Variants in SGSM1 observed in about 807,000 individuals in gnomAD.
SGSM1 encodes small G protein signaling modulator 1, also known as RUN and TBC1 domain containing 2.
A neutral mutation model predicts 133.8 loss-of-function variants in SGSM1; 73 were observed. The ratio of observed to expected loss-of-function variants is 0.55; its 90% CI spans 0.45 to 0.66. SGSM1 has a LOEUF of 0.66. Ranked by LOEUF, SGSM1 falls within the 30% of genes least tolerant of loss-of-function variation. The pLI is 0.00. For synonymous variants in SGSM1, 563 were observed against 573.0 expected, an observed-to-expected ratio of 0.98 and a Z score of 0.25; for missense variants, 1,213 against 1,448.1, an observed-to-expected ratio of 0.84 and a Z score of 2.64.
rs747889393 is a variant in SGSM1, at chr22:24,919,908, C to A, written c.3108C>A (p.Phe1036Leu). ...KHVSSAHYVL[F>L]IALALVEVYR... ...TCTCCTCTGCGCACTACGTCCTGTT[C>A]ATTGCGCTGGCTCTGGTGGAAGTCT... The change falls in exon 24 of 25, where the codon TTC becomes TTA. Residue 1036 changes from phenylalanine to leucine, a missense_variant. Coordinates refer to ENST00000400358, the MANE Select transcript of SGSM1 (RefSeq NM_001098497.3). 1.2e-6 allele frequency: 2 copies of A among 1,614,014 alleles called. No homozygotes were observed. The highest frequency in any genetic ancestry group is 3.3e-5 in the Admixed American group (2 of 60,026).
At chr22:24,841,559 C>A (rs1340100702) in intron 2 of SGSM1, among the ~76,000 whole-genome samples, 1 of 152,124 alleles carries the variant, frequency 6.6e-6, no homozygotes, top group African/African-American at 2.4e-5. Flanking sequence ...TTAACGAGAT[C>A]CTTCTGGCTG....
intron 2 of SGSM1, among the ~76,000 whole-genome samples, chr22:24,824,184 G>A (rs1601893397): frequency 6.6e-6 from 1 of 152,120 alleles, no homozygotes; most frequent in Non-Finnish European, 1.5e-5. Context: ...CAGGACTGGG[G>A]GATTTTTCCA....
chr22:24,921,435 G>A (rs776895408), intron 24 of SGSM1, among the ~76,000 whole-genome samples: 4 of 152,082 alleles, frequency 2.6e-5, no homozygotes, highest in Non-Finnish European at 4.4e-5. Flanking sequence ...TATCTCAAGT[G>A]ACTATTCTAT....
At chr22:24,829,097 G>A (rs974864707) in intron 2 of SGSM1, among the ~76,000 whole-genome samples, 5 of 152,108 alleles carry the variant, frequency 3.3e-5, no homozygotes, top group Non-Finnish European at 5.9e-5. Flanking sequence ...TCGGGAGGCT[G>A]AGGCAGGAGA....
chr22:24,893,997 A>C (rs1473194301), intron 17 of SGSM1, among the ~76,000 whole-genome samples: 1 of 152,254 alleles, frequency 6.6e-6, no homozygotes, highest in Admixed American at 6.5e-5. Context: ...TGCAGGTACT[A>C]TCAGGAATAT....
chr22:24,806,860 GT>G (rs1392680824), intron 2 of SGSM1, among the ~76,000 whole-genome samples: 1 of 152,070 alleles, frequency 6.6e-6, no homozygotes, highest in East Asian at 1.9e-4. Flanking sequence ...CCCCCACAGG[GT>G]GTGCTGGAGG....
chr22:24,835,005 C>A (rs546595740), intron 2 of SGSM1, among the ~76,000 whole-genome samples: 5 of 152,136 alleles, frequency 3.3e-5, no homozygotes, highest in Admixed American at 3.3e-4. Flanking sequence ...TCAAGACATA[C>A]GTTATTCTCT....
chr22:24,889,973 TTG>T (rs1370744280), intron 16 of SGSM1, among the ~76,000 whole-genome samples: 4 of 134,942 alleles, frequency 3.0e-5, no homozygotes, highest in Non-Finnish European at 4.7e-5. Context: ...TTTTTTTTTT[TTG>T]AGACGGAGTC....
At chr22:24,895,078 A>C (rs528985933) in intron 17 of SGSM1, 145 bp from the exon 18 acceptor site, 2 of 779,736 alleles carry the variant, frequency 2.6e-6, no homozygotes, top group Non-Finnish European at 4.3e-6. Flanking sequence ...TTTTACAGCT[A>C]GGAAACTGAT....
At chr22:24,901,251 G>A (rs1210618762) in intron 19 of SGSM1, 1 of 152,088 alleles carries the variant, frequency 6.6e-6, no homozygotes, top group Non-Finnish European at 1.5e-5. Flanking sequence ...ATATTAGTGG[G>A]TTTTTCTAGT....
intron 3 of SGSM1, among the ~76,000 whole-genome samples, chr22:24,846,392 A>G (rs1021995420): frequency 2.6e-5 from 4 of 151,986 alleles, no homozygotes; most frequent in Admixed American, 6.6e-5. Context: ...ACATACATAT[A>G]TGTATGTGTA....
intron 21 of SGSM1, among the ~76,000 whole-genome samples, 175 bp downstream of exon 21, chr22:24,905,362 G>A (rs1933337669): frequency 1.3e-5 from 2 of 152,122 alleles, no homozygotes; most frequent in African/African-American, 2.4e-5. Context: ...TATATTCCAT[G>A]GTGCCCCATA....
At chr22:24,846,835 T>C (rs1364896619) in intron 3 of SGSM1, among the ~76,000 whole-genome samples, 1 of 152,020 alleles carries the variant, frequency 6.6e-6, no homozygotes, top group Non-Finnish European at 1.5e-5. Context: ...TTTGTTTGTT[T>C]GTTTTTTGGG....
At chr22:24,845,926 CTTTCT>C (rs1216524285) in intron 3 of SGSM1, among the ~76,000 whole-genome samples, 8 of 147,160 alleles carry the variant, frequency 5.4e-5, no homozygotes, top group South Asian at 4.4e-4. Flanking sequence ...TGGGCAAGAT[CTTTCT>C]TTTCTTTTCT....
At position 24,916,051 on chromosome 22, in the gene SGSM1, T is replaced by A. The variant is rs139774; in HGVS notation, c.2929-1607T>A. Among the ~76,000 whole-genome samples the A allele has an allele frequency of 3.1e-3, 467 of 151,316 alleles. 3 individuals are homozygous for A. Among genetic ancestry groups the A allele is most frequent in the Non-Finnish European group, 4.8e-3 (327 of 67,798 alleles). ...TATTCGTCCACCATCTGTTTTTTTT[T>A]ATAAGAGTTTTGTTAAAATATAATT... On this transcript the variant is annotated intron_variant, in intron 22 of 24. Coordinates refer to ENST00000400358, the MANE Select transcript of SGSM1 (RefSeq NM_001098497.3).
intron 18 of SGSM1, among the ~76,000 whole-genome samples, chr22:24,896,618 T>A (rs1032156780): frequency 6.8e-6 from 1 of 146,658 alleles, no homozygotes; most frequent in Non-Finnish European, 1.5e-5. Flanking sequence ...TTTTATTTTT[T>A]GTTTTTTGGT....
chr22:24,907,631 A>G (rs1400782268), intron 21 of SGSM1, among the ~76,000 whole-genome samples: 2 of 151,994 alleles, frequency 1.3e-5, no homozygotes, highest in African/African-American at 2.4e-5. Flanking sequence ...ACAATTTTTA[A>G]AAGGATATGT....
At chr22:24,897,731 AG>A (rs1396153584) in intron 18 of SGSM1, among the ~76,000 whole-genome samples, 1 of 152,238 alleles carries the variant, frequency 6.6e-6, no homozygotes, top group African/African-American at 2.4e-5. Flanking sequence ...GGCCTCCCAA[AG>A]TTCTGGGATT....
In SGSM1 at chr22:24,898,235, C is replaced by T. The variant is rs368467277; in HGVS notation, c.2286C>T (p.Ser762=). ...GCAGCGTGGATGACAGGCAGAGCAG[C>T]GAGGCCACCACATCTCAGGATGAGG... ...RDGSVDDRQS[S]EATTSQDEAP... is the part of the protein sequence containing the mutation. Residue 762 remains serine (S), a synonymous_variant, in exon 19 of 25, where the codon AGC becomes AGT. Transcript: ENST00000400358. 175 of 1,613,418 alleles carry T rather than the reference C, an allele frequency of 1.1e-4. No homozygotes were observed. Among genetic ancestry groups the T allele is most frequent in the Non-Finnish European group, 1.4e-4 (168 of 1,179,562 alleles).
Sources: gnomAD v4.1 joint callset for allele counts (sites outside exome capture counted in the v4.1 genomes callset) on GRCh38, gnomAD v4.1.1 for gene constraint, MANE v1.5 for transcripts, NCBI Gene and HGNC (gene_info 2026-07-23, HGNC 2026-07-21) for gene names.